Variants in PHACTR3 observed in about 807,000 individuals in gnomAD.
The protein encoded by PHACTR3 is phosphatase and actin regulator 3.
A neutral mutation model predicts 66.8 loss-of-function variants in PHACTR3; 16 were observed. The observed-to-expected ratio is 0.24, with a 90% confidence interval of 0.16 to 0.36. PHACTR3 has a LOEUF of 0.36. Among genes scored for constraint, PHACTR3 ranks in the 10% least tolerant of loss-of-function variants. The pLI is 1.00. For synonymous variants in PHACTR3, 323 were observed against 292.1 expected, an observed-to-expected ratio of 1.11 and a Z score of -1.08; for missense variants, 647 against 719.9, an observed-to-expected ratio of 0.90 and a Z score of 1.16.
chr20:59,832,127 T>A (rs963448976), intron 8 of PHACTR3, among the ~76,000 whole-genome samples: 1 of 152,162 alleles, frequency 6.6e-6, no homozygotes, highest in African/African-American at 2.4e-5. Context: ...GTTGCCGGTG[T>A]TCCTCCCTGC....
chr20:59,752,984 C>G (rs2039655291), intron 3 of PHACTR3, among the ~76,000 whole-genome samples: 1 of 152,132 alleles, frequency 6.6e-6, no homozygotes, highest in African/African-American at 2.4e-5. Flanking sequence ...GGGCTGGTTT[C>G]AGTTTTCAGC....
intron 12 of PHACTR3, 59 bp downstream of exon 12, chr20:59,845,324 C>T: frequency 9.4e-7 from 1 of 1,059,202 alleles, no homozygotes; most frequent in Non-Finnish European, 1.4e-6. Context: ...ACCGCCTTCC[C>T]CCGTCCCCCG....
chr20:59,716,206 T>TTGTGTGTGTGTGTG (rs201782505), intron 1 of PHACTR3, among the ~76,000 whole-genome samples: 2 of 128,576 alleles, frequency 1.6e-5, no homozygotes, highest in East Asian at 2.4e-4. Flanking sequence ...CCTTCACCCT[T>TTGTGTGTGTGTGTG]TGTGTGTGTG....
At chr20:59,782,796 A>G (rs1340713181) in intron 7 of PHACTR3, among the ~76,000 whole-genome samples, 1 of 152,146 alleles carries the variant, frequency 6.6e-6, no homozygotes, top group Non-Finnish European at 1.5e-5. Context: ...TCAAGATGAG[A>G]TTTGGGTGGG....
chr20:59,611,486 A>G (rs1352525417), intron 1 of PHACTR3, among the ~76,000 whole-genome samples: 1 of 152,238 alleles, frequency 6.6e-6, no homozygotes, highest in African/African-American at 2.4e-5. Flanking sequence ...TGATCTGGCT[A>G]GGGGCCAGGC....
At chr20:59,815,592 C>A (rs2041865697) in intron 8 of PHACTR3, among the ~76,000 whole-genome samples, 1 of 151,878 alleles carries the variant, frequency 6.6e-6, no homozygotes, top group South Asian at 2.1e-4. Context: ...GCCCAGCTAA[C>A]TTTTGTATTT....
chr20:59,831,361 G>A (rs1490611638), intron 8 of PHACTR3, among the ~76,000 whole-genome samples: 1 of 152,190 alleles, frequency 6.6e-6, no homozygotes, highest in Non-Finnish European at 1.5e-5. Flanking sequence ...CACAAGCAGG[G>A]ACCAGGTAGG....
intron 1 of PHACTR3, among the ~76,000 whole-genome samples, chr20:59,636,698 G>A (rs1396210750): frequency 6.6e-6 from 1 of 152,192 alleles, no homozygotes. Flanking sequence ...ATGGAGATGT[G>A]TATGAAGGCC....
upstream of PHACTR3, among the ~76,000 whole-genome samples, chr20:59,600,483 A>G (rs1033860715): frequency 1.3e-5 from 2 of 152,116 alleles, no homozygotes; most frequent in Non-Finnish European, 2.9e-5. Context: ...CCAACTTGGG[A>G]GGTGTGTGGG....
chr20:59,789,869 A>G (rs2041035139), intron 7 of PHACTR3, among the ~76,000 whole-genome samples: 1 of 152,172 alleles, frequency 6.6e-6, no homozygotes, highest in Admixed American at 6.5e-5. Flanking sequence ...ACATCAATTC[A>G]TGCAGCCTGA....
At position 59,596,921 on chromosome 20, in the gene PHACTR3, A is replaced by G. The variant is rs147182209; in HGVS notation, c.109+19304A>G. On this transcript the variant is annotated intron_variant, in intron 1 of 12. Coordinates refer to the PHACTR3 transcript ENST00000359926. ...TGGCTTCATACACTACTACCTCTCC[A>G]TGCTGTGATGGTGTTGGACACGGCT... Among the ~76,000 whole-genome samples the G allele has an allele frequency of 3.9e-3, 593 of 152,248 alleles. 6 individuals are homozygous for G. The highest frequency in any genetic ancestry group is 6.0e-3 in the Non-Finnish European group (408 of 67,998).
intron 7 of PHACTR3, among the ~76,000 whole-genome samples, chr20:59,777,291 A>G (rs1486834978): frequency 6.6e-6 from 1 of 152,180 alleles, no homozygotes; most frequent in Non-Finnish European, 1.5e-5. Flanking sequence ...CCGATTTCCA[A>G]ATAAGGTCAC....
At position 59,845,320 on chromosome 20, in the gene PHACTR3, T is replaced by C. The variant is rs539597338; in HGVS notation, c.1664+55T>C. 2.3e-5 allele frequency: 26 copies of C among 1,131,988 alleles called. No homozygotes were observed. The East Asian group carries it at 6.1e-4, about 27-fold the overall frequency. The allele number at this position is 1,131,988 out of a possible 1,614,324, so 70.1% of individuals were successfully genotyped here. A position where few individuals can be genotyped will look rare whatever the true frequency, so the allele number is the denominator to read the frequency against. Reference sequence around the variant, plus strand: ...ACTTATTTTTGAAACACACACCGCCTTCCCCCGTCCCCCGCCACAAACCAT... The same window carrying C: ...ACTTATTTTTGAAACACACACCGCCCTCCCCCGTCCCCCGCCACAAACCAT... On this transcript the variant is annotated intron_variant, in intron 12 of 12. Coordinates refer to ENST00000371015, the MANE Select transcript of PHACTR3 (RefSeq NM_080672.5).
intron 1 of PHACTR3, among the ~76,000 whole-genome samples, chr20:59,719,318 C>A (rs753927004): frequency 2.0e-5 from 3 of 152,122 alleles, no homozygotes; most frequent in Non-Finnish European, 4.4e-5. Context: ...GCGCCTGCCA[C>A]CACACCCGGC....
intron 1 of PHACTR3, among the ~76,000 whole-genome samples, chr20:59,686,766 GA>G: frequency 6.6e-6 from 1 of 150,560 alleles, no homozygotes; most frequent in East Asian, 2.0e-4. Context: ...TGGTGATGAT[GA>G]TGGTGATGAT....
intron 1 of PHACTR3, among the ~76,000 whole-genome samples, chr20:59,670,611 G>T (rs991153049): frequency 1.7e-4 from 23 of 136,746 alleles, no homozygotes; most frequent in South Asian, 2.8e-4. Flanking sequence ...GGGGTGGGGG[G>T]GGGGGGCAGG....
At chr20:59,819,549 AAAAAG>A (rs2041974639) in intron 8 of PHACTR3, among the ~76,000 whole-genome samples, 1 of 151,862 alleles carries the variant, frequency 6.6e-6, no homozygotes, top group African/African-American at 2.4e-5. Flanking sequence ...AAAAAAAAAA[AAAAAG>A]AAAACAAAAT....
chr20:59,635,236 CT>C (rs1273109625), intron 1 of PHACTR3, among the ~76,000 whole-genome samples: 1,223 of 97,962 alleles, frequency 0.012, 32 homozygotes, highest in African/African-American at 0.044. Context: ...TTCTTTCTTT[CT>C]TTTTTTTTTT....
At chr20:59,808,613 C>T (rs951498115) in intron 8 of PHACTR3, among the ~76,000 whole-genome samples, 3 of 152,210 alleles carry the variant, frequency 2.0e-5, no homozygotes, top group African/African-American at 7.2e-5. Flanking sequence ...AACCAGCTCC[C>T]GGAGCGCCAG....
Sources: gnomAD v4.1 joint callset for allele counts (sites outside exome capture counted in the v4.1 genomes callset) on GRCh38, gnomAD v4.1.1 for gene constraint, MANE v1.5 for transcripts, NCBI Gene and HGNC (gene_info 2026-07-23, HGNC 2026-07-21) for gene names.